MYH7: variants seen among roughly 807,000 people sequenced by gnomAD.
The protein encoded by MYH7 is myosin-7.
MYH7 carries 129 observed loss-of-function variants against 225.4 expected under a neutral mutation model. The ratio of observed to expected loss-of-function variants is 0.57; its 90% CI spans 0.50 to 0.66. The LOEUF (loss-of-function observed/expected upper bound fraction) is 0.66, where lower values mean the gene tolerates loss of function less well. Ranked by LOEUF, MYH7 falls within the 30% of genes least tolerant of loss-of-function variation. The pLI is 0.00. For synonymous variants in MYH7, 971 were observed against 1,007.6 expected, an observed-to-expected ratio of 0.96 and a Z score of 0.69; for missense variants, 1,649 against 2,517.0, an observed-to-expected ratio of 0.66 and a Z score of 7.38.
At chr14:23,431,213 G>A (rs1479515031) in intron 9 of MYH7, among the ~76,000 whole-genome samples, 1 of 152,146 alleles carries the variant, frequency 6.6e-6, no homozygotes, top group Non-Finnish European at 1.5e-5. Flanking sequence ...AAGACACCTA[G>A]CCATGCAGAG....
chr14:23,428,247 A>G (rs1161538568), intron 15 of MYH7, among the ~76,000 whole-genome samples: 1 of 152,126 alleles, frequency 6.6e-6, no homozygotes, highest in African/African-American at 2.4e-5. Flanking sequence ...CCCAATAAAC[A>G]TGCAGGTGTG....
Position 23,428,592 on chromosome 14 carries a change from G to A in MYH7, c.1486C>T (p.Leu496=), listed in dbSNP as rs1400164857. ...QQFFNHHMFV[L]EQEEYKKEGI... is the part of the protein sequence containing the mutation. ...TCCTTCTTGTACTCCTCCTGCTCCA[G>A]CACAAACATGTGGTGGTTGAAGAAC... The change falls in exon 15 of 40, where the codon CTG becomes TTG. Residue 496 remains leucine, a synonymous_variant. Coordinates refer to ENST00000355349, the MANE Select transcript of MYH7 (RefSeq NM_000257.4). The A allele has an allele frequency of 1.2e-6, 2 of 1,614,040 alleles. No individual in the cohort carries two copies. The highest frequency in any genetic ancestry group is 2.7e-5 in the African/African-American group (2 of 74,922).
rs1304124402 is a variant in MYH7 at position 23,426,686 on chromosome 14, C to G, written c.2044+91G>C. ...GGAGAAGAATGTGGTTTGGAAACCACTGTGGTGGTAGGTAGGGAGATGTCC... is the reference window on the plus strand; with the variant it reads ...GGAGAAGAATGTGGTTTGGAAACCAGTGTGGTGGTAGGTAGGGAGATGTCC... On this transcript the variant is annotated intron_variant, in intron 18 of 39. Transcript: ENST00000355349. 2.4e-6 allele frequency: 3 copies of G among 1,230,068 alleles called. No homozygotes were observed. In the African/African-American group the frequency reaches 4.5e-5, roughly 18 times the overall value. The allele number at this position is 1,230,068 out of a possible 1,614,324, so 76.2% of individuals were successfully genotyped here.
intron 11 of MYH7, 95 bp downstream of exon 11, chr14:23,430,465 C>G (rs1892882013): frequency 9.9e-7 from 1 of 1,012,562 alleles, no homozygotes; most frequent in African/African-American, 1.6e-5. Flanking sequence ...CCACTTTAAA[C>G]AACCAATGGC....
intron 1 of MYH7, among the ~76,000 whole-genome samples, chr14:23,435,364 C>CCACACACACA (rs3138591): frequency 4.1e-4 from 60 of 147,654 alleles, no homozygotes; most frequent in African/African-American, 9.9e-4. Context: ...GCAGGCTTGT[C>CCACACACACA]CACACACACA....
Position 23,427,861 on chromosome 14 carries a change from ACTC to A in MYH7, c.1609_1611del (p.Glu537del). The A allele has an allele frequency of 6.2e-7, 1 of 1,613,952 alleles. No homozygotes were observed. Among genetic ancestry groups the A allele is most frequent in the Non-Finnish European group, 8.5e-7 (1 of 1,179,982 alleles). On this transcript the variant is annotated inframe_deletion, in exon 16 of 40. Coordinates refer to ENST00000355349, the MANE Select transcript of MYH7 (RefSeq NM_000257.4). ...ATGTCGGTGGCCTTGGGGAACATGC[ACTC>A]CTCTTCCAGGATGGACATGATGCCC...
intron 30 of MYH7, 197 bp from the exon 31 acceptor site, chr14:23,417,883 C>A: frequency 2.2e-6 from 2 of 919,692 alleles, no homozygotes; most frequent in Non-Finnish European, 3.6e-6. Context: ...CACCCTCTGA[C>A]CCTGGCCCAG....
In MYH7 at chr14:23,427,450, C is replaced by A; in HGVS notation, c.1888+135G>T. 4 of 1,468,364 alleles carry A rather than the reference C, an allele frequency of 2.7e-6. No homozygotes were observed. The South Asian group carries it at 4.8e-5, about 18-fold the overall frequency. 91.0% of individuals were successfully genotyped at this position (1,468,364 alleles called of 1,614,324 possible). Reference sequence around the variant, plus strand: ...ATGTGGCTGCCTCAGTTTCTTCACCCAGTTCCATCCCACTGAGTCTGTAAA... The same window carrying A: ...ATGTGGCTGCCTCAGTTTCTTCACCAAGTTCCATCCCACTGAGTCTGTAAA... On this transcript the variant is annotated intron_variant, in intron 16 of 39. Coordinates refer to ENST00000355349, the MANE Select transcript of MYH7 (RefSeq NM_000257.4).
chr14:23,433,161 T>C lies in MYH7; in HGVS notation c.268A>G (p.Met90Val), dbSNP rs769054108. 14 of 1,614,140 alleles carry C rather than the reference T, an allele frequency of 8.7e-6. No individual in the cohort carries two copies. Among genetic ancestry groups the C allele is most frequent in the Non-Finnish European group, 1.2e-5 (14 of 1,180,022 alleles). Residue 90 changes from methionine (M) to valine (V), a missense_variant, in exon 4 of 40, where the codon ATG becomes GTG. Transcript: ENST00000355349. The surrounding 1 kb of genome is among the most constrained non-coding windows in gnomAD (Gnocchi z 4.1). The stretch of plus-strand genomic sequence containing the variant: ...TCATGCAGGAAGGTCAGCATGGCCA[T>C]GTCCTCGATTTTGTCGAACTTGGGT... ...NPPKFDKIED[M>V]AMLTFLHEPA... is the part of the protein sequence containing the mutation.
In MYH7 at chr14:23,415,187, G is replaced by C; in HGVS notation, c.5367C>G (p.Thr1789=). 1 of 1,614,234 alleles carries C rather than the reference G, an allele frequency of 6.2e-7. No individual in the cohort carries two copies. Among genetic ancestry groups the C allele is most frequent in the South Asian group, 1.1e-5 (1 of 91,084 alleles). The change falls in exon 37 of 40, where the codon ACC becomes ACG. Residue 1789 remains threonine (T), a synonymous_variant. Transcript: ENST00000355349. The surrounding 1 kb of genome is among the most constrained non-coding windows in gnomAD (Gnocchi z 6.3). Reference sequence around the variant, plus strand: ...CCAGCCGGTGCTGCAGGTCCTTAATGGTCTGTTCCATGTTCTTCTTCATGC... The same window carrying C: ...CCAGCCGGTGCTGCAGGTCCTTAATCGTCTGTTCCATGTTCTTCTTCATGC... The part of the protein sequence containing the change: ...LERMKKNMEQ[T]IKDLQHRLDE...
rs768433456 is a variant in MYH7, at chr14:23,428,482, G to A, written c.1578+18C>T. On this transcript the variant is annotated intron_variant, in intron 15 of 39. Transcript: ENST00000355349. ...TGGGTGTGCAGGGAGAATTCAGGTGGTAAGGCCAAAGAGGCACCTTCTCGA... is the reference window on the plus strand; with the variant it reads ...TGGGTGTGCAGGGAGAATTCAGGTGATAAGGCCAAAGAGGCACCTTCTCGA... 1 of 1,614,160 alleles carries A rather than the reference G, an allele frequency of 6.2e-7. No homozygotes were observed. Among genetic ancestry groups the A allele is most frequent in the Non-Finnish European group, 8.5e-7 (1 of 1,180,018 alleles).
rs1893000150 is a variant in MYH7 at position 23,432,742 on chromosome 14, C to T, written c.399G>A (p.Val133=). The change falls in exon 5 of 40, where the codon GTG becomes GTA. Residue 133 remains valine, a synonymous_variant. Transcript: ENST00000355349. ...AGGCAGCCACCACCTCAGGAGTGTA[C>T]ACCGGCAGCCACTTGTAAGGGTTGA... ...VTVNPYKWLP[V]YTPEVVAAYR... 2 of 1,614,154 alleles carry T rather than the reference C, an allele frequency of 1.2e-6. No individual in the cohort carries two copies. Among genetic ancestry groups the T allele is most frequent in the South Asian group, 2.2e-5 (2 of 91,082 alleles).
chr14:23,418,926 C>T (rs1015197136), intron 29 of MYH7, among the ~76,000 whole-genome samples: 6 of 152,208 alleles, frequency 3.9e-5, no homozygotes, highest in Non-Finnish European at 5.9e-5. Flanking sequence ...AAGGCCATCT[C>T]GTGCCTCCCT....
At position 23,431,789 on chromosome 14, in the gene MYH7, CG is replaced by C; in HGVS notation, c.610del (p.Arg204AlafsTer60). 6.2e-7 allele frequency: 1 copy of C among 1,614,250 alleles called. No individual in the cohort carries two copies. The highest frequency in any genetic ancestry group is 1.3e-5 in the African/African-American group (1 of 75,060). ...GCCCGGGCTCTGGTCCTTCTTGCTG[CG>C]GTCCCCAATGGCTGCAATAACAGCA... ...YFAVIAAIGD[R>X]SKKDQSPGKG... On this transcript the variant is annotated frameshift_variant, in exon 7 of 40. Transcript: ENST00000355349. LOFTEE classifies it high-confidence loss of function.
Position 23,429,929 on chromosome 14 carries a change from A to G in MYH7, c.1000-16T>C. ...CAAAAGCGTTCTGTAGGGAGGCCCC[A>G]TATTGGCGGACCCCAGAAAAAGAAG... On this transcript the variant is annotated splice_polypyrimidine_tract_variant and intron_variant, in intron 11 of 39. Coordinates refer to ENST00000355349, the MANE Select transcript of MYH7 (RefSeq NM_000257.4). 6.2e-7 allele frequency: 1 copy of G among 1,613,786 alleles called. No individual in the cohort carries two copies. The highest frequency in any genetic ancestry group is 1.1e-5 in the South Asian group (1 of 91,080).
chr14:23,433,449 G>T lies in MYH7; in HGVS notation c.201+83C>A. 2.0e-6 allele frequency: 3 copies of T among 1,510,770 alleles called. No homozygotes were observed. In the South Asian group the frequency reaches 3.4e-5, roughly 17 times the overall value. 93.6% of individuals were successfully genotyped at this position (1,510,770 alleles called of 1,614,324 possible). On this transcript the variant is annotated intron_variant, in intron 3 of 39. Coordinates refer to ENST00000355349, the MANE Select transcript of MYH7 (RefSeq NM_000257.4). This position sits in a 1 kb window ranked among gnomAD's most constrained non-coding sequence, Gnocchi z 4.1. ...TGGGACCATCCTCAGGTCTGCATGG[G>T]CATGGGGCATGGGTGTACCCCTCTC...
intron 25 of MYH7, 49 bp downstream of exon 25, chr14:23,422,131 C>T: frequency 6.2e-7 from 1 of 1,611,182 alleles, no homozygotes; most frequent in Non-Finnish European, 8.5e-7. Flanking sequence ...TCTGCTTGTA[C>T]TGTTATGGGC....
At chr14:23,416,415 T>C in intron 33 of MYH7, 103 bp from the exon 34 acceptor site, 1 of 1,289,370 alleles carries the variant, frequency 7.8e-7, no homozygotes, top group Admixed American at 2.2e-5. Context: ...TCAAGAGTGG[T>C]GTAAGTGGTT....
chr14:23,415,914 T>A lies in MYH7; in HGVS notation c.4954-82A>T. 1 of 1,613,094 alleles carries A rather than the reference T, an allele frequency of 6.2e-7. No homozygotes were observed. The highest frequency in any genetic ancestry group is 1.3e-5 in the African/African-American group (1 of 75,046). ...AGGCACCTGTCAGAGGTCCCTGCAGTAACCTAGGGGCAGGAGGAATCTGGT... is the reference window on the plus strand; with the variant it reads ...AGGCACCTGTCAGAGGTCCCTGCAGAAACCTAGGGGCAGGAGGAATCTGGT... On this transcript the variant is annotated intron_variant, in intron 34 of 39. Transcript: ENST00000355349. This position sits in a 1 kb window ranked among gnomAD's most constrained non-coding sequence, Gnocchi z 6.3.
Sources: gnomAD v4.1 joint callset for allele counts (sites outside exome capture counted in the v4.1 genomes callset) on GRCh38, gnomAD v4.1.1 for gene constraint, Gnocchi (gnomAD v3.1) non-coding constraint, MANE v1.5 for transcripts, NCBI Gene and HGNC (gene_info 2026-07-23, HGNC 2026-07-21) for gene names.